RALGDS: variants seen among roughly 807,000 people sequenced by gnomAD.
RALGDS encodes ral guanine nucleotide dissociation stimulator.
Under a neutral mutation model 99.8 loss-of-function variants are expected in RALGDS, and 44 were observed. That is an observed-to-expected ratio of 0.44 (90% CI 0.35 to 0.57). The LOEUF (loss-of-function observed/expected upper bound fraction) is 0.57, where lower values mean the gene tolerates loss of function less well. Among genes scored for constraint, RALGDS ranks in the 20% least tolerant of loss-of-function variants. The pLI is 0.01. For missense variants in RALGDS, 1,022 were observed against 1,203.1 expected, an observed-to-expected ratio of 0.85 and a Z score of 2.23; for synonymous variants, 529 against 505.0, an observed-to-expected ratio of 1.05 and a Z score of -0.64.
At chr9:133,101,910 G>C in intron 15 of RALGDS, 28 bp downstream of exon 15, 1 of 1,550,918 alleles carries the variant, frequency 6.4e-7, no homozygotes, top group Non-Finnish European at 8.7e-7. Flanking sequence ...GATGGGAAAG[G>C]ATATTGGGGA....
chr9:133,119,699 C>T (rs1044147478), intron 1 of RALGDS, among the ~76,000 whole-genome samples: 2 of 152,006 alleles, frequency 1.3e-5, no homozygotes, highest in Non-Finnish European at 2.9e-5. Flanking sequence ...AGGGGTCCCT[C>T]TCCAGCCGCC....
At chr9:133,102,187 C>T in intron 14 of RALGDS, 48 bp from the exon 15 acceptor site, 1 of 1,536,144 alleles carries the variant, frequency 6.5e-7, no homozygotes, top group Non-Finnish European at 8.8e-7. Context: ...AGGACACATC[C>T]CAACCCCACA....
chr9:133,112,174 G>C lies in RALGDS; in HGVS notation c.184-22C>G, dbSNP rs746481883. The C allele has an allele frequency of 5.2e-6, 8 of 1,528,850 alleles. No individual in the cohort carries two copies. The African/African-American group carries it at 9.6e-5, about 18-fold the overall frequency. 94.7% of individuals were successfully genotyped at this position (1,528,850 alleles called of 1,614,324 possible). A position where few individuals can be genotyped will look rare whatever the true frequency, so the allele number is the denominator to read the frequency against. On this transcript the variant is annotated intron_variant, in intron 1 of 17. Transcript: ENST00000372050. ...AGCTCTGTGAAGACAACGCCCGGCAGCCGGGCGCGGGGACGTCAAGGGCCT... is the reference window on the plus strand; with the variant it reads ...AGCTCTGTGAAGACAACGCCCGGCACCCGGGCGCGGGGACGTCAAGGGCCT...
chr9:133,141,262 A>G (rs1396634050), intron 1 of RALGDS, among the ~76,000 whole-genome samples: 1 of 152,204 alleles, frequency 6.6e-6, no homozygotes, highest in African/African-American at 2.4e-5. Flanking sequence ...CCCAAAGTCC[A>G]ACCCACTGGG....
At chr9:133,120,900 C>T (rs1291923975) in intron 1 of RALGDS, 72 bp downstream of exon 1, 2 of 1,382,834 alleles carry the variant, frequency 1.4e-6, no homozygotes, top group African/African-American at 1.5e-5. Context: ...GGGCTCGCCC[C>T]GACCTGCCCA....
chr9:133,119,490 G>A (rs929406150), intron 1 of RALGDS, among the ~76,000 whole-genome samples: 1 of 152,176 alleles, frequency 6.6e-6, no homozygotes, highest in African/African-American at 2.4e-5. Flanking sequence ...CCAGAGAGAG[G>A]GAAGACAAGA....
upstream of RALGDS, among the ~76,000 whole-genome samples, chr9:133,125,044 G>C (rs143205051): frequency 3.9e-5 from 6 of 152,296 alleles, no homozygotes; most frequent in East Asian, 1.2e-3. Flanking sequence ...CATTTCAGAG[G>C]AAAAAGAAAG....
In RALGDS at chr9:133,105,171, G is replaced by A. The variant is rs182481649; in HGVS notation, c.1602+761C>T. 3.3e-5 allele frequency among the ~76,000 whole-genome samples: 5 copies of A among 152,284 alleles called. No homozygotes were observed. In the East Asian group the frequency reaches 5.8e-4, roughly 18 times the overall value. Reference sequence around the variant, plus strand: ...GACAGGTGTCCCAGGAGCCCCCTGCGATGCTCCCCTGTAGGGAACTCTGTG... The same window carrying A: ...GACAGGTGTCCCAGGAGCCCCCTGCAATGCTCCCCTGTAGGGAACTCTGTG... On this transcript the variant is annotated intron_variant, in intron 9 of 17. Transcript: ENST00000372050.
chr9:133,108,910 CCTGAGCCAGGCTGGGCTCCT>C (rs1831205484), intron 4 of RALGDS, 44 bp from the exon 5 acceptor site: 2 of 1,553,492 alleles, frequency 1.3e-6, no homozygotes, highest in Non-Finnish European at 1.8e-6. Flanking sequence ...CCTGGGCTCC[CCTGAGCCAGGCTGGGCTCCT>C]GAGCCGGCCC....
Position 133,107,324 on chromosome 9 carries a change from C to T in RALGDS, c.1198-24G>A, listed in dbSNP as rs1192632010. ...TCCTGGGGAGGAGGCTAAATGTCACCTGGTCCTGCCCCAGCAGTCTGGGCT... is the reference window on the plus strand; with the variant it reads ...TCCTGGGGAGGAGGCTAAATGTCACTTGGTCCTGCCCCAGCAGTCTGGGCT... On this transcript the variant is annotated intron_variant, in intron 6 of 17. Transcript: ENST00000372050. 3.8e-6 allele frequency: 6 copies of T among 1,587,236 alleles called. No individual in the cohort carries two copies. The South Asian group carries it at 6.7e-5, about 18-fold the overall frequency.
In RALGDS at chr9:133,102,863, G is replaced by A. The variant is rs1830826789; in HGVS notation, c.1829C>T (p.Ser610Leu). Residue 610 changes from serine (S) to leucine (L), a missense_variant, in exon 13 of 18, where the codon TCG (serine) becomes TTG (leucine). By Grantham distance (145) the Ser-to-Leu change is moderately radical. This residue lies in a region of RALGDS where 825 missense variants were observed against 994.5 expected (regional missense o/e 0.83). Transcript: ENST00000372050. ...CGCGATGCTGTAGTTGTTGCAGGCCGACTGCAGCAGCTTGATCTGGGCGAT... is the reference window on the plus strand; with the variant it reads ...CGCGATGCTGTAGTTGTTGCAGGCCAACTGCAGCAGCTTGATCTGGGCGAT... ...EVIAQIKLLQ[S>L]ACNNYSIAPD... 1.9e-6 allele frequency: 3 copies of A among 1,613,538 alleles called. No individual in the cohort carries two copies. Among genetic ancestry groups the A allele is most frequent in the Non-Finnish European group, 2.5e-6 (3 of 1,179,966 alleles).
upstream of RALGDS, among the ~76,000 whole-genome samples, chr9:133,134,842 G>A (rs1832399880): frequency 6.6e-6 from 1 of 152,152 alleles, no homozygotes; most frequent in Non-Finnish European, 1.5e-5. Context: ...ATGTGACGCA[G>A]GTTTTGCAGG....
Position 133,144,645 on chromosome 9 carries a change from G to A in RALGDS, c.18+4318C>T, listed in dbSNP as rs575389743. ...AGCGCGCCAAGCTGAGGAGCAGGCG[G>A]GCTCCGCTCACGCCCCCACACCCCC... On this transcript the variant is annotated intron_variant, in intron 1 of 17. Transcript: ENST00000393160. The surrounding 1 kb of genome is among the most constrained non-coding windows in gnomAD (Gnocchi z 4.5). Among the ~76,000 whole-genome samples, 302 of 152,332 alleles carry A rather than the reference G, an allele frequency of 2.0e-3. 1 individual carries two copies. The highest frequency in any genetic ancestry group is 6.7e-3 in the African/African-American group (277 of 41,580).
chr9:133,110,141 AC>A (rs1831273072), intron 3 of RALGDS, among the ~76,000 whole-genome samples, 154 bp downstream of exon 3: 1 of 152,184 alleles, frequency 6.6e-6, no homozygotes, highest in Non-Finnish European at 1.5e-5. Flanking sequence ...AGGCATGGTG[AC>A]AACCCCATGA....
intron 1 of RALGDS, among the ~76,000 whole-genome samples, chr9:133,139,718 C>T (rs1832488149): frequency 6.6e-6 from 1 of 152,242 alleles, no homozygotes. Context: ...TCCACCCACA[C>T]CCTGGCTCCC....
intron 1 of RALGDS, among the ~76,000 whole-genome samples, chr9:133,126,532 G>A (rs919682405): frequency 2.0e-5 from 3 of 152,236 alleles, no homozygotes; most frequent in Admixed American, 6.5e-5. Flanking sequence ...AAGTGCCGCC[G>A]GAAGCTGACT....
chr9:133,105,906 C>CG (rs1554739363), intron 9 of RALGDS, 26 bp downstream of exon 9: 1 of 822,460 alleles, frequency 1.2e-6, no homozygotes, highest in African/African-American at 2.4e-5. Flanking sequence ...CGCCCCAGCC[C>CG]CCGCCCCAGC....
intron 1 of RALGDS, among the ~76,000 whole-genome samples, chr9:133,115,414 T>C (rs1831549854): frequency 6.6e-6 from 1 of 152,200 alleles, no homozygotes; most frequent in Non-Finnish European, 1.5e-5. Flanking sequence ...AGAGCCTCCG[T>C]GTGCGTGAGA....
upstream of RALGDS, among the ~76,000 whole-genome samples, chr9:133,122,253 C>A (rs138357735): frequency 4.5e-3 from 682 of 152,330 alleles, 6 homozygotes; most frequent in African/African-American, 0.014. Context: ...GGCTTAACAG[C>A]AGGGCCAGGA....
Sources: allele counts gnomAD v4.1 joint callset (sites outside exome capture counted in the v4.1 genomes callset), GRCh38; gene constraint gnomAD v4.1.1; regional missense constraint gnomAD v4.1.1; non-coding constraint Gnocchi (gnomAD v3.1); transcripts MANE v1.5; gene names NCBI Gene and HGNC (gene_info 2026-07-23, HGNC 2026-07-21).